The following GRIA1 variants were observed in gnomAD, a reference collection of about 807,000 sequenced individuals.
GRIA1 encodes glutamate receptor 1.
GRIA1 carries 31 observed loss-of-function variants against 99.2 expected under a neutral mutation model. The observed-to-expected ratio is 0.31, with a 90% CI of 0.23 to 0.42. The LOEUF is 0.42. GRIA1 is among the 10% of genes least tolerant of loss of function. GRIA1 has a pLI of 1.00. For missense variants in GRIA1, 782 were observed against 1,157.5 expected, an observed-to-expected ratio of 0.68 and a Z score of 4.71; for synonymous variants, 438 against 432.4, an observed-to-expected ratio of 1.01 and a Z score of -0.16.
intron 1 of GRIA1, chr5:153,492,387 C>A (rs567748166): frequency 2.2e-6 from 3 of 1,333,888 alleles, no homozygotes; most frequent in Non-Finnish European, 3.0e-6. Flanking sequence ...TAGCCCAGCC[C>A]GTAGCCTTCT....
At chr5:153,646,249 A>C (rs74705659) in intron 2 of GRIA1, among the ~76,000 whole-genome samples, 1 of 151,824 alleles carries the variant, frequency 6.6e-6, no homozygotes, top group Non-Finnish European at 1.5e-5. Context: ...ATGTACAAGC[A>C]CAAAGTGAAC....
At chr5:153,768,237 T>C (rs1763646635) in intron 12 of GRIA1, among the ~76,000 whole-genome samples, 1 of 152,200 alleles carries the variant, frequency 6.6e-6, no homozygotes. Flanking sequence ...CTCCCTCCCT[T>C]TTCTCCCTTC....
chr5:153,740,494 A>G (rs902252774), intron 11 of GRIA1, among the ~76,000 whole-genome samples: 2 of 152,230 alleles, frequency 1.3e-5, no homozygotes, highest in Non-Finnish European at 2.9e-5. Flanking sequence ...GTTGAGTCCA[A>G]GTTCTAATCC....
rs569057036 is a variant in GRIA1 at position 153,715,719 on chromosome 5, A to G, written c.1823+9652A>G. Among the ~76,000 whole-genome samples, 8 of 152,268 alleles carry G rather than the reference A, an allele frequency of 5.3e-5. No individual in the cohort carries two copies. In the South Asian group the frequency reaches 1.7e-3, roughly 32 times the overall value. On this transcript the variant is annotated intron_variant, in intron 11 of 15. Transcript: ENST00000285900. ...GGGCATCTTAAATCTTCAACCCTGC[A>G]CTATAGTTACCATGTCTGTTTCTTA... is the stretch of plus-strand genomic sequence containing the variant.
At chr5:153,660,059 G>A (rs182895591) in intron 5 of GRIA1, among the ~76,000 whole-genome samples, 3 of 152,282 alleles carry the variant, frequency 2.0e-5, no homozygotes, top group Non-Finnish European at 4.4e-5. Flanking sequence ...TTTTACAGAT[G>A]TGGGAACTGA....
chr5:153,797,924 T>C (rs1469094815), intron 14 of GRIA1, among the ~76,000 whole-genome samples: 2 of 152,210 alleles, frequency 1.3e-5, no homozygotes, highest in African/African-American at 2.4e-5. Flanking sequence ...GCTCCTTTTT[T>C]GCATTCCCTA....
intron 11 of GRIA1, among the ~76,000 whole-genome samples, chr5:153,727,813 G>T (rs1297678961): frequency 6.6e-6 from 1 of 151,786 alleles, no homozygotes; most frequent in South Asian, 2.1e-4. Flanking sequence ...ACTGCCCAAG[G>T]TAATTTATAG....
chr5:153,504,239 G>T (rs1047259632), intron 2 of GRIA1, among the ~76,000 whole-genome samples: 41 of 151,884 alleles, frequency 2.7e-4, no homozygotes, highest in African/African-American at 9.9e-4. Context: ...TACGGACATG[G>T]GGGAGGAATA....
chr5:153,748,383 A>G (rs1762294793), intron 11 of GRIA1, among the ~76,000 whole-genome samples: 1 of 152,210 alleles, frequency 6.6e-6, no homozygotes. Context: ...GGTGTTTTCT[A>G]GAAACAAGAA....
chr5:153,789,776 G>T (rs1765185359), intron 13 of GRIA1, among the ~76,000 whole-genome samples: 1 of 152,200 alleles, frequency 6.6e-6, no homozygotes, highest in South Asian at 2.1e-4. Flanking sequence ...GCTTAGAGAA[G>T]TTTACTGATT....
intron 2 of GRIA1, among the ~76,000 whole-genome samples, chr5:153,561,157 C>G (rs1001314255): frequency 6.6e-6 from 1 of 152,162 alleles, no homozygotes; most frequent in African/African-American, 2.4e-5. Flanking sequence ...ACATCAGATC[C>G]TGGCCCTGGA....
intron 2 of GRIA1, among the ~76,000 whole-genome samples, chr5:153,552,930 C>G (rs1351825817): frequency 6.6e-6 from 1 of 152,096 alleles, no homozygotes; most frequent in Non-Finnish European, 1.5e-5. Flanking sequence ...TTTTCTTTTC[C>G]AAACAACCTT....
intron 2 of GRIA1, among the ~76,000 whole-genome samples, chr5:153,608,797 T>A (rs1765682976): frequency 1.3e-5 from 2 of 152,064 alleles, no homozygotes; most frequent in South Asian, 2.1e-4. Context: ...GTATAACAGT[T>A]TTTTTTTACT....
At chr5:153,695,569 G>T (rs1040846104) in intron 8 of GRIA1, among the ~76,000 whole-genome samples, 2 of 152,200 alleles carry the variant, frequency 1.3e-5, no homozygotes, top group African/African-American at 4.8e-5. Context: ...ACACTGTCTT[G>T]AGCAAATTCT....
chr5:153,713,019 T>G (rs921509310), intron 11 of GRIA1, among the ~76,000 whole-genome samples: 4 of 152,148 alleles, frequency 2.6e-5, no homozygotes, highest in Admixed American at 2.0e-4. Flanking sequence ...CCCAGAGAAG[T>G]CAGCTTAAAA....
intron 10 of GRIA1, among the ~76,000 whole-genome samples, chr5:153,702,488 C>T (rs1029517683): frequency 2.0e-5 from 3 of 152,212 alleles, no homozygotes; most frequent in Non-Finnish European, 4.4e-5. Flanking sequence ...AGCAGATCTC[C>T]ATTTCTGATA....
intron 2 of GRIA1, among the ~76,000 whole-genome samples, chr5:153,541,928 CAA>C (rs57442019): frequency 0.24 from 22,827 of 96,390 alleles, 2,142 homozygotes; most frequent in East Asian, 0.67. Context: ...GATCCTGTTT[CAA>C]AAAAAAAAAA....
At chr5:153,656,163 A>G (rs1029615815) in intron 5 of GRIA1, among the ~76,000 whole-genome samples, 1 of 152,126 alleles carries the variant, frequency 6.6e-6, no homozygotes, top group African/African-American at 2.4e-5. Context: ...GGCAATAGGG[A>G]CAAAATCACC....
chr5:153,767,063 A>G (rs1367124920), intron 12 of GRIA1, among the ~76,000 whole-genome samples: 1 of 152,144 alleles, frequency 6.6e-6, no homozygotes, highest in Non-Finnish European at 1.5e-5. Context: ...TCTTTGATTG[A>G]TATCAGTGTC....
Sources: allele counts gnomAD v4.1 joint callset (sites outside exome capture counted in the v4.1 genomes callset), GRCh38; gene constraint gnomAD v4.1.1; transcripts MANE v1.5; gene names NCBI Gene and HGNC (gene_info 2026-07-23, HGNC 2026-07-21).